LSAMP: variants seen among roughly 807,000 people sequenced by gnomAD.
The protein encoded by LSAMP is limbic system associated membrane protein.
A neutral mutation model predicts 38.6 loss-of-function variants in LSAMP; 7 were observed. That is an observed-to-expected ratio of 0.18 (90% confidence interval 0.10 to 0.34). LSAMP has a LOEUF of 0.34. LSAMP is among the 10% of genes least tolerant of loss of function. LSAMP has a pLI of 1.00. For synonymous variants in LSAMP, 154 were observed against 166.8 expected, an observed-to-expected ratio of 0.92 and a Z score of 0.59; for missense variants, 313 against 420.0, an observed-to-expected ratio of 0.75 and a Z score of 2.23.
At chr3:116,243,170 C>T (rs1448177886) in intron 1 of LSAMP, among the ~76,000 whole-genome samples, 1 of 152,130 alleles carries the variant, frequency 6.6e-6, no homozygotes, top group Non-Finnish European at 1.5e-5. Flanking sequence ...TCCTGGGGAT[C>T]TGGGGCTGTA....
intron 2 of LSAMP, among the ~76,000 whole-genome samples, chr3:116,060,499 G>A (rs1559727023): frequency 1.3e-5 from 2 of 152,228 alleles, no homozygotes; most frequent in East Asian, 3.9e-4. Context: ...CGTGGCTCAC[G>A]CCTGTAATCC....
In LSAMP at chr3:116,211,969, A is replaced by G. The variant is rs1016186785; in HGVS notation, c.156-125413T>C. 3.1e-4 allele frequency among the ~76,000 whole-genome samples: 47 copies of G among 152,246 alleles called. 1 individual carries two copies. Among genetic ancestry groups the G allele is most frequent in the Admixed American group, 3.0e-3 (46 of 15,290 alleles). ...TGGGGAAGCTTGTGTCAGTATTCTGACTGTGCTTCCATTCATGTAACAGAA... is the reference window on the plus strand; with the variant it reads ...TGGGGAAGCTTGTGTCAGTATTCTGGCTGTGCTTCCATTCATGTAACAGAA... On this transcript the variant is annotated intron_variant, in intron 1 of 6. Coordinates refer to ENST00000490035, the MANE Select transcript of LSAMP (RefSeq NM_002338.5).
chr3:115,971,193 A>G (rs1302467356), intron 3 of LSAMP, among the ~76,000 whole-genome samples: 2 of 152,210 alleles, frequency 1.3e-5, no homozygotes, highest in African/African-American at 4.8e-5. Context: ...GGTTTCTTAC[A>G]CTTCCTTTTG....
At chr3:116,177,934 T>G (rs1284144705) in intron 1 of LSAMP, among the ~76,000 whole-genome samples, 2 of 152,166 alleles carry the variant, frequency 1.3e-5, no homozygotes, top group African/African-American at 4.8e-5. Flanking sequence ...TGGCAGATTG[T>G]GCTAAATTCT....
At chr3:116,096,258 G>A (rs1281747798) in intron 1 of LSAMP, among the ~76,000 whole-genome samples, 1 of 152,156 alleles carries the variant, frequency 6.6e-6, no homozygotes, top group Non-Finnish European at 1.5e-5. Flanking sequence ...GTGAGCTCTG[G>A]AAGATCCTGA....
At position 116,251,908 on chromosome 3, in the gene LSAMP, C is replaced by T. The variant is rs575272051; in HGVS notation, c.156-165352G>A. Among the ~76,000 whole-genome samples, 12 of 152,268 alleles carry T rather than the reference C, an allele frequency of 7.9e-5. No individual in the cohort carries two copies. The South Asian group carries it at 2.5e-3, about 32-fold the overall frequency. On this transcript the variant is annotated intron_variant, in intron 1 of 6. Coordinates refer to ENST00000490035, the MANE Select transcript of LSAMP (RefSeq NM_002338.5). ...CCTAAAAGCTGAAAAACTCATTCTG[C>T]TTCTCATACATTTGACCAATAGTGA...
At chr3:115,947,227 G>C (rs1361577411) in intron 3 of LSAMP, among the ~76,000 whole-genome samples, 1 of 152,048 alleles carries the variant, frequency 6.6e-6, no homozygotes, top group Non-Finnish European at 1.5e-5. Flanking sequence ...TTTTCCCTTA[G>C]AAATCAGAAA....
intron 3 of LSAMP, 52 bp downstream of exon 3, chr3:116,019,463 T>C (rs370520824): frequency 6.4e-5 from 102 of 1,588,294 alleles, no homozygotes; most frequent in Middle Eastern, 3.3e-4. Context: ...TCCAGGAGCA[T>C]GAGCATATTT....
intron 1 of LSAMP, among the ~76,000 whole-genome samples, chr3:116,171,719 C>A (rs938050324): frequency 1.3e-5 from 2 of 152,054 alleles, no homozygotes; most frequent in African/African-American, 4.8e-5. Flanking sequence ...AGCCATCATC[C>A]ATGGGACCCT....
At chr3:116,290,752 T>C (rs760498567) in intron 1 of LSAMP, among the ~76,000 whole-genome samples, 147 of 147,472 alleles carry the variant, frequency 1.0e-3, no homozygotes, top group Non-Finnish European at 1.7e-3. Flanking sequence ...ATAATAATAA[T>C]AATAATAATA....
At chr3:116,429,577 T>C (rs1169650719) in intron 1 of LSAMP, among the ~76,000 whole-genome samples, 1 of 152,188 alleles carries the variant, frequency 6.6e-6, no homozygotes, top group African/African-American at 2.4e-5. Context: ...GATTTACTTA[T>C]AGGCAAATAA....
chr3:116,154,237 C>T (rs1283673683), intron 1 of LSAMP, among the ~76,000 whole-genome samples: 6 of 152,102 alleles, frequency 3.9e-5, no homozygotes, highest in Admixed American at 3.9e-4. Flanking sequence ...ATCTATTGGC[C>T]TGTCTTGAGG....
intron 1 of LSAMP, among the ~76,000 whole-genome samples, chr3:116,174,464 G>A (rs1710286983): frequency 6.6e-6 from 1 of 151,884 alleles, no homozygotes. Context: ...TAATAGCTAT[G>A]TCTTTTATTG....
intron 2 of LSAMP, among the ~76,000 whole-genome samples, chr3:116,066,411 C>T (rs184412498): frequency 6.6e-6 from 1 of 152,322 alleles, no homozygotes; most frequent in African/African-American, 2.4e-5. Context: ...CAGGTCATGA[C>T]AGAATAATGA....
At chr3:115,910,408 T>C (rs1439836613) in intron 3 of LSAMP, among the ~76,000 whole-genome samples, 6 of 152,200 alleles carry the variant, frequency 3.9e-5, no homozygotes, top group Non-Finnish European at 4.4e-5. Flanking sequence ...TGTGTTTTAA[T>C]ATAAGTAATG....
chr3:116,146,533 CT>C (rs2107521957), intron 1 of LSAMP, among the ~76,000 whole-genome samples: 1 of 151,974 alleles, frequency 6.6e-6, no homozygotes, highest in African/African-American at 2.4e-5. Context: ...AAAAGTGCCT[CT>C]TTGAGAGCAG....
At chr3:116,033,880 G>T (rs1170396038) in intron 2 of LSAMP, among the ~76,000 whole-genome samples, 1 of 152,126 alleles carries the variant, frequency 6.6e-6, no homozygotes, top group Non-Finnish European at 1.5e-5. Context: ...TCGTCCACAA[G>T]GGAAGAAAGG....
At chr3:116,127,770 T>A (rs1230856444) in intron 1 of LSAMP, among the ~76,000 whole-genome samples, 2 of 150,610 alleles carry the variant, frequency 1.3e-5, no homozygotes, top group Non-Finnish European at 3.0e-5. Flanking sequence ...ATGCTTTGAC[T>A]TTCCTTTTTT....
intron 1 of LSAMP, among the ~76,000 whole-genome samples, chr3:116,202,967 G>A (rs2046007908): frequency 6.6e-6 from 1 of 152,136 alleles, no homozygotes; most frequent in South Asian, 2.1e-4. Flanking sequence ...ATATAAACAC[G>A]ATTGATTTTT....
Sources: gnomAD v4.1 joint callset for allele counts (sites outside exome capture counted in the v4.1 genomes callset) on GRCh38, gnomAD v4.1.1 for gene constraint, MANE v1.5 for transcripts, NCBI Gene and HGNC (gene_info 2026-07-23, HGNC 2026-07-21) for gene names.